PCCA: variants seen among roughly 807,000 people sequenced by gnomAD.
PCCA encodes the protein propionyl-CoA carboxylase alpha chain, mitochondrial.
PCCA carries 74 observed loss-of-function variants against 101.3 expected under a neutral mutation model. The observed-to-expected ratio is 0.73, with a 90% CI of 0.61 to 0.89. PCCA has a LOEUF of 0.89. Ranked by LOEUF, PCCA falls within the 40% of genes least tolerant of loss-of-function variation. PCCA has a pLI of 0.00. For synonymous variants in PCCA, 294 were observed against 313.6 expected, an observed-to-expected ratio of 0.94 and a Z score of 0.66; for missense variants, 891 against 907.0, an observed-to-expected ratio of 0.98 and a Z score of 0.23.
intron 6 of PCCA, among the ~76,000 whole-genome samples, chr13:100,192,171 T>C (rs775186206): frequency 6.6e-6 from 1 of 152,250 alleles, no homozygotes; most frequent in Non-Finnish European, 1.5e-5. Context: ...GTAGTAAATT[T>C]ATGTAGAGTT....
At chr13:100,524,274 G>C (rs544173600) in intron 22 of PCCA, among the ~76,000 whole-genome samples, 1 of 152,236 alleles carries the variant, frequency 6.6e-6, no homozygotes. Context: ...GGCAGGTGTA[G>C]TTTGTGTTTC....
At chr13:100,432,230 T>A (rs1473339123) in intron 20 of PCCA, among the ~76,000 whole-genome samples, 2 of 152,172 alleles carry the variant, frequency 1.3e-5, no homozygotes, top group Non-Finnish European at 2.9e-5. Flanking sequence ...GTGCTTCTCT[T>A]CCCTTACTAC....
intron 17 of PCCA, among the ~76,000 whole-genome samples, chr13:100,338,297 A>G (rs1487713488): frequency 6.6e-6 from 1 of 152,228 alleles, no homozygotes; most frequent in Non-Finnish European, 1.5e-5. Flanking sequence ...GAACTTGAAA[A>G]TATTTATTCA....
chr13:100,500,759 T>G (rs2152988137), intron 21 of PCCA, among the ~76,000 whole-genome samples: 1 of 152,254 alleles, frequency 6.6e-6, no homozygotes, highest in African/African-American at 2.4e-5. Flanking sequence ...CAGAGAAAAA[T>G]TAATGGGGTA....
intron 1 of PCCA, among the ~76,000 whole-genome samples, chr13:100,096,506 C>T (rs941767804): frequency 6.6e-6 from 1 of 152,078 alleles, no homozygotes; most frequent in African/African-American, 2.4e-5. Context: ...ATCTTCTAAG[C>T]GTTCTAGTGA....
chr13:100,278,617 C>T (rs2063839170), intron 12 of PCCA, among the ~76,000 whole-genome samples: 2 of 151,860 alleles, frequency 1.3e-5, no homozygotes, highest in Admixed American at 1.3e-4. Context: ...GTAGTTGGGA[C>T]TATAGGTGCG....
intron 16 of PCCA, among the ~76,000 whole-genome samples, chr13:100,318,466 T>C (rs2067629692): frequency 6.6e-6 from 1 of 150,428 alleles, no homozygotes; most frequent in African/African-American, 2.5e-5. Context: ...TATCTCCTAA[T>C]GCTATCCCTC....
chr13:100,274,180 A>G (rs2063489252), intron 12 of PCCA, among the ~76,000 whole-genome samples: 1 of 152,062 alleles, frequency 6.6e-6, no homozygotes. Flanking sequence ...TTTTCATATC[A>G]TTCTTCCTTT....
Position 100,357,427 on chromosome 13 carries a change from G to C in PCCA, c.1644-11045G>C, listed in dbSNP as rs532813620. Among the ~76,000 whole-genome samples the C allele has an allele frequency of 2.6e-5, 4 of 152,294 alleles. No individual in the cohort carries two copies. The South Asian group carries it at 8.3e-4, about 32-fold the overall frequency. On this transcript the variant is annotated intron_variant, in intron 18 of 23. Transcript: ENST00000376285. ...TAGCTCTTGGGGGTAGCAATATCAAGTGTTCCTGGGCTACCACCTGGAAGG... is the reference window on the plus strand; with the variant it reads ...TAGCTCTTGGGGGTAGCAATATCAACTGTTCCTGGGCTACCACCTGGAAGG...
chr13:100,216,006 A>G (rs1343409770), intron 7 of PCCA, among the ~76,000 whole-genome samples: 2 of 152,080 alleles, frequency 1.3e-5, no homozygotes, highest in African/African-American at 4.8e-5. Flanking sequence ...TGCTATGTAA[A>G]TAGTTGTCCC....
intron 2 of PCCA, among the ~76,000 whole-genome samples, chr13:100,106,284 G>A (rs1332707241): frequency 6.6e-6 from 1 of 152,082 alleles, no homozygotes; most frequent in Non-Finnish European, 1.5e-5. Flanking sequence ...ACAGAGTTTG[G>A]TCTGGTACTT....
At chr13:100,209,727 G>C (rs1397950343) in intron 7 of PCCA, among the ~76,000 whole-genome samples, 1 of 152,082 alleles carries the variant, frequency 6.6e-6, no homozygotes, top group Non-Finnish European at 1.5e-5. Context: ...TGCCTCCTGG[G>C]TTCAAGCGAT....
chr13:100,311,077 T>C (rs950241167), intron 16 of PCCA, among the ~76,000 whole-genome samples: 4 of 151,720 alleles, frequency 2.6e-5, no homozygotes, highest in Non-Finnish European at 5.9e-5. Context: ...CTACTAAAAA[T>C]ACAAAAATTA....
intron 22 of PCCA, chr13:100,527,325 G>A: frequency 2.1e-6 from 1 of 479,154 alleles, no homozygotes; most frequent in Non-Finnish European, 4.3e-6. Context: ...GTAGAGATCT[G>A]CCTATTCTGG....
intron 6 of PCCA, among the ~76,000 whole-genome samples, chr13:100,186,738 C>CAAAAAAAAA (rs376028376): frequency 4.8e-5 from 4 of 84,076 alleles, no homozygotes; most frequent in African/African-American, 1.9e-4. Flanking sequence ...GATTCCATCT[C>CAAAAAAAAA]AAAAAAAAAA....
chr13:100,275,570 G>A (rs1358432938), intron 12 of PCCA, among the ~76,000 whole-genome samples: 1 of 152,152 alleles, frequency 6.6e-6, no homozygotes, highest in Non-Finnish European at 1.5e-5. Context: ...TGTTTGTCTT[G>A]TATCTTGACC....
intron 12 of PCCA, among the ~76,000 whole-genome samples, chr13:100,277,021 A>G (rs1199351076): frequency 2.0e-5 from 3 of 152,180 alleles, no homozygotes; most frequent in Admixed American, 6.5e-5. Flanking sequence ...TCTTTCTTAT[A>G]GAGATTTTTC....
At position 100,503,433 on chromosome 13, in the gene PCCA, T is replaced by C. The variant is rs2152989989; in HGVS notation, c.1900-11994T>C. On this transcript the variant is annotated intron_variant, in intron 21 of 23. Transcript: ENST00000376285. ...TGAACCCAGGAGGTGGAGGTTGTGG[T>C]GAGCCGAGGTTGCGCCATTGCACTC... 1.3e-5 allele frequency among the ~76,000 whole-genome samples: 2 copies of C among 152,232 alleles called. 1 individual carries two copies. The highest frequency in any genetic ancestry group is 4.2e-4 in the South Asian group (2 of 4,816).
chr13:100,410,524 A>T (rs1002892843), intron 19 of PCCA, among the ~76,000 whole-genome samples: 7 of 152,204 alleles, frequency 4.6e-5, no homozygotes, highest in Non-Finnish European at 1.0e-4. Flanking sequence ...TACAGGCTTG[A>T]GCCACCACGC....
Sources: allele counts gnomAD v4.1 joint callset (sites outside exome capture counted in the v4.1 genomes callset), GRCh38; gene constraint gnomAD v4.1.1; transcripts MANE v1.5; gene names NCBI Gene and HGNC (gene_info 2026-07-23, HGNC 2026-07-21).